Variants in OSBPL8 observed in about 807,000 individuals in gnomAD.
OSBPL8 encodes the protein oxysterol binding protein like 8, also known as oxysterol-binding protein-related protein 8.
Under a neutral mutation model 125.5 loss-of-function variants are expected in OSBPL8, and 59 were observed. The ratio of observed to expected loss-of-function variants is 0.47; its 90% confidence interval spans 0.38 to 0.58. The LOEUF (loss-of-function observed/expected upper bound fraction) is 0.58. OSBPL8 is among the 20% of genes least tolerant of loss of function. The pLI is 0.00. For missense variants in OSBPL8, 758 were observed against 1,047.8 expected, an observed-to-expected ratio of 0.72 and a Z score of 3.82; for synonymous variants, 330 against 338.9, an observed-to-expected ratio of 0.97 and a Z score of 0.29.
At chr12:76,471,500 A>G (rs553801430) in intron 2 of OSBPL8, among the ~76,000 whole-genome samples, 1 of 152,212 alleles carries the variant, frequency 6.6e-6, no homozygotes, top group Admixed American at 6.5e-5. Flanking sequence ...GTAGTCTCTC[A>G]TATTTACCCT....
At chr12:76,398,724 T>C (rs1953926752) in intron 7 of OSBPL8, among the ~76,000 whole-genome samples, 2 of 152,190 alleles carry the variant, frequency 1.3e-5, no homozygotes, top group Non-Finnish European at 2.9e-5. Flanking sequence ...AATACAGGAT[T>C]CCTTAATCCC....
intron 1 of OSBPL8, among the ~76,000 whole-genome samples, chr12:76,508,427 A>G (rs1880644154): frequency 6.6e-6 from 1 of 152,170 alleles, no homozygotes; most frequent in Admixed American, 6.5e-5. Context: ...CCCATTGCCT[A>G]GTGACATCAC....
At chr12:76,498,265 GT>G (rs948347378) in intron 1 of OSBPL8, among the ~76,000 whole-genome samples, 2 of 152,198 alleles carry the variant, frequency 1.3e-5, no homozygotes, top group African/African-American at 4.8e-5. Flanking sequence ...GTCACACAAT[GT>G]CAGGAAACTG....
chr12:76,391,276 T>G (rs1953544978), intron 10 of OSBPL8, among the ~76,000 whole-genome samples: 1 of 152,168 alleles, frequency 6.6e-6, no homozygotes, highest in Non-Finnish European at 1.5e-5. Flanking sequence ...GAAATTAACC[T>G]ATGGACTAAA....
Position 76,373,419 on chromosome 12 carries a change from A to C in OSBPL8, c.1842T>G (p.Ser614Arg). ...CTGATATTTGATTAACACAGTCACT[A>C]CTCCCTAGGAATGGCTTTTAAACGA... ...LEFKLKPFLG[S>R]SDCVNQISGK... The change falls in exon 18 of 24, where the codon AGT becomes AGG. Residue 614 changes from serine (S) to arginine (R), a missense_variant. This residue lies in a region of OSBPL8 where 572 missense variants were observed against 762.0 expected (regional missense o/e 0.75). Transcript: ENST00000261183. The C allele has an allele frequency of 6.2e-7, 1 of 1,603,052 alleles. No homozygotes were observed. The highest frequency in any genetic ancestry group is 8.5e-7 in the Non-Finnish European group (1 of 1,172,728).
At chr12:76,473,206 A>G (rs553857996) in intron 2 of OSBPL8, among the ~76,000 whole-genome samples, 72 of 152,132 alleles carry the variant, frequency 4.7e-4, no homozygotes, top group Non-Finnish European at 9.7e-4. Context: ...GATTATTATA[A>G]TATTGGAATA....
intron 2 of OSBPL8, among the ~76,000 whole-genome samples, chr12:76,478,202 A>C (rs1463480124): frequency 2.0e-5 from 3 of 150,504 alleles, no homozygotes; most frequent in Admixed American, 2.0e-4. Context: ...ACTCCATCTA[A>C]AAAAAAAAGA....
At position 76,488,233 on chromosome 12, in the gene OSBPL8, C is replaced by T. The variant is rs932896933; in HGVS notation, c.-67-615G>A. Among the ~76,000 whole-genome samples, 4 of 152,084 alleles carry T rather than the reference C, an allele frequency of 2.6e-5. No individual in the cohort carries two copies. The East Asian group carries it at 7.7e-4, about 29-fold the overall frequency. ...AGACATACAATAGAATATCATGCAG[C>T]AATTTTAAAAAATGAAGTAGATCTA... On this transcript the variant is annotated intron_variant, in intron 1 of 23. Coordinates refer to ENST00000261183, the MANE Select transcript of OSBPL8 (RefSeq NM_020841.5).
intron 1 of OSBPL8, among the ~76,000 whole-genome samples, chr12:76,492,517 T>C (rs1320897581): frequency 6.6e-6 from 1 of 151,932 alleles, no homozygotes; most frequent in Non-Finnish European, 1.5e-5. Context: ...GGTGGGTGAG[T>C]GAGTGAAGCT....
rs1951898786 is a variant in OSBPL8, at chr12:76,353,838, T to C, written c.*2051A>G. On this transcript the variant is annotated 3_prime_UTR_variant, in exon 24 of 24. Transcript: ENST00000261183. ...ACTCTTTGGGTAAGAACCCATAACATTTGCTCTAAAAAGAAATTTTAAAAA... is the reference window on the plus strand; with the variant it reads ...ACTCTTTGGGTAAGAACCCATAACACTTGCTCTAAAAAGAAATTTTAAAAA... The C allele has an allele frequency of 6.6e-6, 1 of 152,358 alleles. No homozygotes were observed. The highest frequency in any genetic ancestry group is 2.4e-5 in the African/African-American group (1 of 41,436). 9.4% of individuals were successfully genotyped at this position (152,358 alleles called of 1,614,324 possible).
chr12:76,364,101 CA>C, intron 21 of OSBPL8, among the ~76,000 whole-genome samples: 1 of 152,240 alleles, frequency 6.6e-6, no homozygotes. Flanking sequence ...GGTGATTCCT[CA>C]AGGATCTAGA....
intron 2 of OSBPL8, among the ~76,000 whole-genome samples, chr12:76,466,218 T>C (rs1875413969): frequency 2.6e-5 from 4 of 152,274 alleles, no homozygotes; most frequent in Admixed American, 2.6e-4. Context: ...ATTTTTTAAA[T>C]ATGGCATACT....
intron 1 of OSBPL8, among the ~76,000 whole-genome samples, chr12:76,515,714 CTG>C (rs1360164484): frequency 6.6e-6 from 1 of 151,990 alleles, no homozygotes; most frequent in Non-Finnish European, 1.5e-5. Context: ...TCCCCTGCCT[CTG>C]TGTCGCTTCT....
intron 4 of OSBPL8, among the ~76,000 whole-genome samples, chr12:76,412,935 C>G (rs1825928755): frequency 6.6e-6 from 1 of 152,150 alleles, no homozygotes; most frequent in Admixed American, 6.5e-5. Context: ...TTCTATGACA[C>G]AAACAGCACT....
intron 1 of OSBPL8, among the ~76,000 whole-genome samples, chr12:76,540,129 C>G (rs1009901277): frequency 2.0e-5 from 3 of 152,144 alleles, no homozygotes; most frequent in Admixed American, 6.5e-5. Context: ...AGATTGAGAT[C>G]ATTACTTTTC....
At chr12:76,481,023 A>G (rs549267467) in intron 2 of OSBPL8, among the ~76,000 whole-genome samples, 1 of 152,314 alleles carries the variant, frequency 6.6e-6, no homozygotes, top group Non-Finnish European at 1.5e-5. Flanking sequence ...AGGGCATGTG[A>G]TAACAAAAGA....
chr12:76,436,590 T>G (rs940958199), intron 4 of OSBPL8, among the ~76,000 whole-genome samples: 1 of 151,942 alleles, frequency 6.6e-6, no homozygotes, highest in Non-Finnish European at 1.5e-5. Context: ...TACCATACAT[T>G]GGAAAAACTA....
chr12:76,391,029 T>C (rs992681508), intron 10 of OSBPL8, among the ~76,000 whole-genome samples: 1 of 152,122 alleles, frequency 6.6e-6, no homozygotes, highest in Non-Finnish European at 1.5e-5. Flanking sequence ...TCAATCTCAC[T>C]GTCACTTATG....
intron 1 of OSBPL8, among the ~76,000 whole-genome samples, chr12:76,526,633 C>CT (rs1950181763): frequency 9.4e-6 from 1 of 106,596 alleles, no homozygotes; most frequent in Non-Finnish European, 1.8e-5. Flanking sequence ...ATCAGTAAAT[C>CT]TCTTTTTTTT....
Sources: gnomAD v4.1 joint callset for allele counts (sites outside exome capture counted in the v4.1 genomes callset) on GRCh38, gnomAD v4.1.1 for gene constraint, gnomAD v4.1.1 regional missense constraint, MANE v1.5 for transcripts, NCBI Gene and HGNC (gene_info 2026-07-23, HGNC 2026-07-21) for gene names.